The following SNTB1 variants were observed in gnomAD, a reference collection of about 807,000 sequenced individuals.
The protein encoded by SNTB1 is syntrophin beta 1.
SNTB1 carries 36 observed loss-of-function variants against 48.9 expected under a neutral mutation model. The ratio of observed to expected loss-of-function variants is 0.74; its 90% CI spans 0.56 to 0.97. The LOEUF (loss-of-function observed/expected upper bound fraction) is 0.97, where lower values mean the gene tolerates loss of function less well. Among genes scored for constraint, SNTB1 ranks in the 50% least tolerant of loss-of-function variants. The pLI is 0.00. For missense variants in SNTB1, 786 were observed against 703.4 expected, an observed-to-expected ratio of 1.12 and a Z score of -1.33; for synonymous variants, 299 against 294.6, an observed-to-expected ratio of 1.01 and a Z score of -0.15.
intron 6 of SNTB1, among the ~76,000 whole-genome samples, chr8:120,540,944 A>G (rs1815276680): frequency 6.6e-6 from 1 of 152,156 alleles, no homozygotes; most frequent in African/African-American, 2.4e-5. Flanking sequence ...CTGAAAGCCA[A>G]CAAATCCATT....
In SNTB1 at chr8:120,538,309, AT is replaced by A. The variant is rs1563811728; in HGVS notation, c.*567del. 4.4e-6 allele frequency: 1 copy of A among 227,784 alleles called. No individual in the cohort carries two copies. The highest frequency in any genetic ancestry group is 2.2e-5 in the African/African-American group (1 of 45,232). 14.1% of individuals were successfully genotyped at this position (227,784 alleles called of 1,614,324 possible). ...ATTCTACACCATTGAAAGATAATTC[AT>A]TTTTTAAAAAGTAACAGCTGCTTCA... On this transcript the variant is annotated 3_prime_UTR_variant, in exon 7 of 7. Transcript: ENST00000517992.
At chr8:120,723,279 G>A (rs953878924) in intron 1 of SNTB1, among the ~76,000 whole-genome samples, 2 of 152,062 alleles carry the variant, frequency 1.3e-5, no homozygotes, top group African/African-American at 4.8e-5. Flanking sequence ...AGGTTTAAAG[G>A]AGCTGTATAT....
intron 3 of SNTB1, among the ~76,000 whole-genome samples, chr8:120,597,489 C>T (rs1421243225): frequency 6.6e-6 from 1 of 152,198 alleles, no homozygotes; most frequent in African/African-American, 2.4e-5. Flanking sequence ...GCCAGGGTTC[C>T]TGCTGAATTG....
chr8:120,629,674 T>C (rs1169678519), intron 3 of SNTB1, among the ~76,000 whole-genome samples: 2 of 152,180 alleles, frequency 1.3e-5, no homozygotes, highest in African/African-American at 4.8e-5. Context: ...AAAAATCTAG[T>C]TTGGATTTGT....
At chr8:120,584,708 T>A (rs1301359487) in intron 3 of SNTB1, among the ~76,000 whole-genome samples, 1 of 152,254 alleles carries the variant, frequency 6.6e-6, no homozygotes, top group East Asian at 1.9e-4. Flanking sequence ...TACCTCAGAA[T>A]GTGACCTGAT....
At chr8:120,710,592 C>T (rs1330277285) in intron 1 of SNTB1, among the ~76,000 whole-genome samples, 2 of 152,298 alleles carry the variant, frequency 1.3e-5, no homozygotes, top group East Asian at 3.9e-4. Context: ...GGGTTCTGCC[C>T]TCATGAATGG....
chr8:120,766,118 CAAG>C (rs1459381706), intron 1 of SNTB1, among the ~76,000 whole-genome samples: 1 of 152,084 alleles, frequency 6.6e-6, no homozygotes, highest in Non-Finnish European at 1.5e-5. Context: ...GTGAAAATGA[CAAG>C]AAGAGGGTTC....
chr8:120,723,623 C>T (rs953803693), intron 1 of SNTB1, among the ~76,000 whole-genome samples: 2 of 152,138 alleles, frequency 1.3e-5, no homozygotes, highest in Admixed American at 6.5e-5. Flanking sequence ...CTGTACAGCT[C>T]ACCAGTTAGG....
chr8:120,795,182 A>G (rs1820102342), intron 1 of SNTB1, among the ~76,000 whole-genome samples: 1 of 152,060 alleles, frequency 6.6e-6, no homozygotes, highest in South Asian at 2.1e-4. Flanking sequence ...AGATTTTAGC[A>G]AATCTATTAA....
At position 120,811,984 on chromosome 8, in the gene SNTB1, G is replaced by T. The variant is rs1211379624; in HGVS notation, c.-141C>A. ...GTGGCGGCACGCGGGACTCCGCTCC[G>T]GGAGTTCGCAGACGCACTCGGCGGG... On this transcript the variant is annotated 5_prime_UTR_variant, in exon 1 of 7. Coordinates refer to ENST00000517992, the MANE Select transcript of SNTB1 (RefSeq NM_021021.4). 2.4e-6 allele frequency: 3 copies of T among 1,270,868 alleles called. No individual in the cohort carries two copies. Among genetic ancestry groups the T allele is most frequent in the Admixed American group, 4.3e-5 (1 of 23,374 alleles). The allele number at this position is 1,270,868 out of a possible 1,614,324, so 78.7% of individuals were successfully genotyped here.
chr8:120,623,100 C>A (rs1391870130), intron 3 of SNTB1, among the ~76,000 whole-genome samples: 1 of 152,204 alleles, frequency 6.6e-6, no homozygotes, highest in Non-Finnish European at 1.5e-5. Context: ...TTTCTGTTTA[C>A]CTTCCTCTGC....
chr8:120,726,577 C>A (rs556520027), intron 1 of SNTB1, among the ~76,000 whole-genome samples: 3 of 152,026 alleles, frequency 2.0e-5, no homozygotes, highest in South Asian at 4.1e-4. Context: ...ATATCATTAC[C>A]AGGAAAATTA....
chr8:120,701,913 A>C (rs867557612), intron 1 of SNTB1, among the ~76,000 whole-genome samples: 1 of 152,236 alleles, frequency 6.6e-6, no homozygotes, highest in South Asian at 2.1e-4. Flanking sequence ...AGAAAAGATT[A>C]TCTCAAAATT....
chr8:120,802,577 G>A (rs183311819), intron 1 of SNTB1, among the ~76,000 whole-genome samples: 2 of 152,134 alleles, frequency 1.3e-5, no homozygotes, highest in African/African-American at 4.8e-5. Flanking sequence ...TTGGTCATTC[G>A]TTACACTGTT....
At chr8:120,558,392 A>G (rs1815602879) in intron 4 of SNTB1, among the ~76,000 whole-genome samples, 1 of 152,220 alleles carries the variant, frequency 6.6e-6, no homozygotes, top group Non-Finnish European at 1.5e-5. Context: ...AGCTGAATTC[A>G]CACCCAGTTT....
At chr8:120,602,959 C>T (rs1182877963) in intron 3 of SNTB1, among the ~76,000 whole-genome samples, 1 of 151,890 alleles carries the variant, frequency 6.6e-6, no homozygotes, top group Non-Finnish European at 1.5e-5. Context: ...CACAGATTTG[C>T]TATCATGTAA....
At chr8:120,704,523 G>T (rs1238017683) in intron 1 of SNTB1, among the ~76,000 whole-genome samples, 3 of 151,896 alleles carry the variant, frequency 2.0e-5, no homozygotes, top group Non-Finnish European at 4.4e-5. Context: ...CTCATAAACT[G>T]ATAAAATATC....
intron 2 of SNTB1, among the ~76,000 whole-genome samples, chr8:120,677,476 C>T (rs1161862928): frequency 1.3e-5 from 2 of 152,128 alleles, no homozygotes. Context: ...ATGTGGTTTT[C>T]GTTTACCCAA....
chr8:120,554,703 C>T (rs1815537659), intron 4 of SNTB1, among the ~76,000 whole-genome samples: 1 of 152,166 alleles, frequency 6.6e-6, no homozygotes, highest in African/African-American at 2.4e-5. Flanking sequence ...ACACCTAATG[C>T]CCGCAGGCTA....
Sources: gnomAD v4.1 joint callset for allele counts (sites outside exome capture counted in the v4.1 genomes callset) on GRCh38, gnomAD v4.1.1 for gene constraint, MANE v1.5 for transcripts, NCBI Gene and HGNC (gene_info 2026-07-23, HGNC 2026-07-21) for gene names.